The following POU6F2 variants were observed in gnomAD, a reference collection of about 807,000 sequenced individuals.
POU6F2 encodes POU domain, class 6, transcription factor 2.
A neutral mutation model predicts 71.3 loss-of-function variants in POU6F2; 31 were observed. The observed-to-expected ratio is 0.43, with a 90% confidence interval of 0.33 to 0.59. The LOEUF (loss-of-function observed/expected upper bound fraction) is 0.59, where lower values mean the gene tolerates loss of function less well. Among genes scored for constraint, POU6F2 ranks in the 20% least tolerant of loss-of-function variants. POU6F2 has a pLI of 0.04. For synonymous variants in POU6F2, 347 were observed against 355.7 expected, an observed-to-expected ratio of 0.98 and a Z score of 0.27; for missense variants, 783 against 856.8, an observed-to-expected ratio of 0.91 and a Z score of 1.07.
At chr7:39,271,769 A>T (rs1784344557) in intron 4 of POU6F2, among the ~76,000 whole-genome samples, 1 of 152,218 alleles carries the variant, frequency 6.6e-6, no homozygotes, top group Non-Finnish European at 1.5e-5. Flanking sequence ...TTGCTGTAAT[A>T]TGAGGATGAG....
At chr7:39,034,685 C>T (rs895768788) in intron 1 of POU6F2, among the ~76,000 whole-genome samples, 3 of 151,968 alleles carry the variant, frequency 2.0e-5, no homozygotes, top group Middle Eastern at 3.2e-3. Flanking sequence ...GCTTCAAATG[C>T]GGGTTGGCTC....
At chr7:39,420,458 C>T (rs1355250009) in intron 6 of POU6F2, among the ~76,000 whole-genome samples, 1 of 152,158 alleles carries the variant, frequency 6.6e-6, no homozygotes, top group African/African-American at 2.4e-5. Context: ...CCTCTAGGCT[C>T]ACATGGAGAT....
chr7:39,413,244 CCTT>C (rs778178942), intron 6 of POU6F2, among the ~76,000 whole-genome samples: 5 of 151,842 alleles, frequency 3.3e-5, no homozygotes, highest in African/African-American at 9.7e-5. Flanking sequence ...AACCGTAGCA[CCTT>C]CTTCTCCCAT....
chr7:39,084,007 T>G (rs1320467541), intron 1 of POU6F2, among the ~76,000 whole-genome samples: 2 of 152,160 alleles, frequency 1.3e-5, no homozygotes, highest in Admixed American at 6.5e-5. Flanking sequence ...TGTTTAGGAT[T>G]GTCAGGATGA....
intron 4 of POU6F2, among the ~76,000 whole-genome samples, chr7:39,210,730 A>G (rs865882674): frequency 7.9e-5 from 12 of 152,288 alleles, no homozygotes; most frequent in African/African-American, 2.4e-4. Flanking sequence ...ACAGGATCTC[A>G]GGCTCTACCC....
At chr7:39,276,815 C>T (rs1412705940) in intron 4 of POU6F2, among the ~76,000 whole-genome samples, 17 of 151,216 alleles carry the variant, frequency 1.1e-4, no homozygotes, top group Non-Finnish European at 2.2e-4. Context: ...AAAAACCAAA[C>T]ACCGCATGTT....
chr7:39,335,992 C>T (rs1305945100), intron 4 of POU6F2, among the ~76,000 whole-genome samples: 1 of 152,202 alleles, frequency 6.6e-6, no homozygotes, highest in Non-Finnish European at 1.5e-5. Flanking sequence ...GCTGCCCTGA[C>T]CCCTCAGGAC....
intron 4 of POU6F2, among the ~76,000 whole-genome samples, chr7:39,215,302 G>A (rs1200867738): frequency 2.0e-5 from 3 of 152,082 alleles, no homozygotes; most frequent in Non-Finnish European, 2.9e-5. Context: ...CTGAGATCAC[G>A]CCACTGGACT....
At chr7:39,096,333 G>A (rs992149006) in intron 2 of POU6F2, among the ~76,000 whole-genome samples, 2 of 152,128 alleles carry the variant, frequency 1.3e-5, no homozygotes, top group African/African-American at 4.8e-5. Flanking sequence ...TTTAAAGATG[G>A]CAAAGATGCA....
chr7:39,039,976 C>A (rs567571785), intron 1 of POU6F2, among the ~76,000 whole-genome samples: 242 of 104,288 alleles, frequency 2.3e-3, no homozygotes, highest in African/African-American at 7.0e-3. Context: ...AATTCCCTCA[C>A]CTGCTTTTTA....
At chr7:39,002,900 T>C (rs2128700399) in intron 1 of POU6F2, among the ~76,000 whole-genome samples, 1 of 152,390 alleles carries the variant, frequency 6.6e-6, no homozygotes, top group Admixed American at 6.5e-5. Context: ...CTTTATGATT[T>C]AGTATTAATG....
intron 4 of POU6F2, among the ~76,000 whole-genome samples, chr7:39,301,665 T>G (rs926210641): frequency 2.0e-5 from 3 of 152,198 alleles, no homozygotes; most frequent in Non-Finnish European, 4.4e-5. Context: ...TGTCCCTCTA[T>G]GCCCTTATTC....
rs548590478 is a variant in POU6F2 at position 39,006,526 on chromosome 7, C to G, written c.105+28468C>G. ...TTAAAAATATAGAACAATGTACCTACAAGCCACACCTTCAAAATTACTTCT... is the reference window on the plus strand; with the variant it reads ...TTAAAAATATAGAACAATGTACCTAGAAGCCACACCTTCAAAATTACTTCT... On this transcript the variant is annotated intron_variant, in intron 1 of 9. Transcript: ENST00000518318. Among the ~76,000 whole-genome samples the G allele has an allele frequency of 3.9e-5, 6 of 152,220 alleles. No homozygotes were observed. The South Asian group carries it at 1.2e-3, about 32-fold the overall frequency.
chr7:39,007,006 G>C (rs1383088042), intron 1 of POU6F2: 2 of 813,684 alleles, frequency 2.5e-6, no homozygotes, highest in Non-Finnish European at 4.0e-6. Context: ...CTTATGCTCT[G>C]ATGTGCTGCT....
chr7:39,456,309 AG>A (rs1393220533), intron 8 of POU6F2, among the ~76,000 whole-genome samples: 1 of 152,206 alleles, frequency 6.6e-6, no homozygotes, highest in East Asian at 1.9e-4. Context: ...GAACTATCCC[AG>A]GACAGAATGT....
chr7:39,169,008 G>A (rs1390490946), intron 2 of POU6F2, among the ~76,000 whole-genome samples: 2 of 152,134 alleles, frequency 1.3e-5, no homozygotes, highest in African/African-American at 4.8e-5. Flanking sequence ...ATGGATGGTG[G>A]GATGCCCTAC....
At position 39,193,957 on chromosome 7, in the gene POU6F2, CAA is replaced by C. The variant is rs376423547; in HGVS notation, c.278-10276_278-10275del. Among the ~76,000 whole-genome samples the C allele has an allele frequency of 3.6e-3, 544 of 152,230 alleles. 4 individuals carry two copies. The highest frequency in any genetic ancestry group is 0.014 in the Middle Eastern group (4 of 294). ...GTAAGAGTTGAAGAAATAATATATA[CAA>C]AGTCATTAGTGTATGACCTGGCACA... On this transcript the variant is annotated intron_variant, in intron 2 of 9. Coordinates refer to ENST00000518318, the MANE Select transcript of POU6F2 (RefSeq NM_001370959.1).
At chr7:39,131,596 G>A (rs1262764178) in intron 2 of POU6F2, among the ~76,000 whole-genome samples, 1 of 152,144 alleles carries the variant, frequency 6.6e-6, no homozygotes, top group East Asian at 1.9e-4. Flanking sequence ...ATCCTGAGTG[G>A]CTGGAATCTC....
At chr7:39,168,482 G>A (rs1344379011) in intron 2 of POU6F2, among the ~76,000 whole-genome samples, 3 of 152,146 alleles carry the variant, frequency 2.0e-5, no homozygotes, top group Non-Finnish European at 2.9e-5. Context: ...AGAAATCCCA[G>A]GGCAGAAAGT....
Sources: gnomAD v4.1 joint callset for allele counts (sites outside exome capture counted in the v4.1 genomes callset) on GRCh38, gnomAD v4.1.1 for gene constraint, MANE v1.5 for transcripts, NCBI Gene and HGNC (gene_info 2026-07-23, HGNC 2026-07-21) for gene names.